Variants in SUPT3H observed in about 807,000 individuals in gnomAD.
The protein encoded by SUPT3H is transcription initiation protein SPT3 homolog.
In SUPT3H, 44 loss-of-function variants were observed where a neutral mutation model predicts 44.3. The observed-to-expected ratio is 0.99, with a 90% CI of 0.78 to 1.28. The LOEUF is 1.28. Among genes scored for constraint, SUPT3H ranks in the 50% most tolerant of loss-of-function variants. The pLI is 0.00. For synonymous variants in SUPT3H, 124 were observed against 125.6 expected (o/e 0.99, Z 0.09); for missense variants, 380 against 387.1 (o/e 0.98, Z 0.15).
chr6:45,053,740 C>CAAAAAAAAAAAAAAAA (rs57736879), intron 3 of SUPT3H, among the ~76,000 whole-genome samples: 2 of 59,442 alleles, frequency 3.4e-5, no homozygotes, highest in Non-Finnish European at 3.1e-5. Flanking sequence ...ACTAAAAATA[C>CAAAAAAAAAAAAAAAA]AAAAAAAAAA....
intron 10 of SUPT3H, among the ~76,000 whole-genome samples, chr6:44,880,184 A>G (rs1037591482): frequency 6.6e-6 from 1 of 152,104 alleles, no homozygotes; most frequent in Non-Finnish European, 1.5e-5. Context: ...CCCTGAAAAA[A>G]GGTTAGAGGA....
intron 10 of SUPT3H, among the ~76,000 whole-genome samples, chr6:44,836,552 T>A (rs1769942379): frequency 1.3e-5 from 2 of 152,200 alleles, no homozygotes; most frequent in South Asian, 4.1e-4. Flanking sequence ...TCCCTAACTC[T>A]ATGCCAGTCT....
intron 10 of SUPT3H, among the ~76,000 whole-genome samples, chr6:44,886,344 A>C (rs1016157959): frequency 6.6e-6 from 1 of 152,158 alleles, no homozygotes; most frequent in Non-Finnish European, 1.5e-5. Flanking sequence ...AATGAAGGAA[A>C]AAATGTTAAG....
intron 2 of SUPT3H, among the ~76,000 whole-genome samples, chr6:45,236,475 C>T (rs1006942862): frequency 6.6e-6 from 1 of 151,994 alleles, no homozygotes; most frequent in African/African-American, 2.4e-5. Flanking sequence ...AGTAACAGAG[C>T]AGGTTTGTTT....
chr6:45,147,430 T>G (rs1402954526), intron 2 of SUPT3H, among the ~76,000 whole-genome samples: 1 of 152,110 alleles, frequency 6.6e-6, no homozygotes, highest in Non-Finnish European at 1.5e-5. Flanking sequence ...GGACAACTAG[T>G]ATATGCTAGA....
intron 1 of SUPT3H, among the ~76,000 whole-genome samples, chr6:45,371,175 C>T (rs1796001918): frequency 6.6e-6 from 1 of 152,094 alleles, no homozygotes; most frequent in African/African-American, 2.4e-5. Context: ...TAAGCAGCTC[C>T]CTTAAAAATC....
chr6:44,878,393 C>A (rs1484630477), intron 10 of SUPT3H, among the ~76,000 whole-genome samples: 1 of 151,932 alleles, frequency 6.6e-6, no homozygotes, highest in Non-Finnish European at 1.5e-5. Flanking sequence ...TTCTAATCTC[C>A]TATCATAAAT....
At chr6:45,242,034 A>C (rs1770441910) in intron 2 of SUPT3H, among the ~76,000 whole-genome samples, 1 of 152,206 alleles carries the variant, frequency 6.6e-6, no homozygotes, top group Non-Finnish European at 1.5e-5. Context: ...TATTCTAAAT[A>C]ACATTCCAGA....
intron 2 of SUPT3H, among the ~76,000 whole-genome samples, chr6:45,313,624 G>T (rs561216903): frequency 1.9e-4 from 28 of 146,682 alleles, no homozygotes; most frequent in South Asian, 1.7e-3. Flanking sequence ...CCAATAACAA[G>T]CAGCGAGATT....
At chr6:45,220,986 A>G (rs1017581166) in intron 2 of SUPT3H, among the ~76,000 whole-genome samples, 5 of 152,262 alleles carry the variant, frequency 3.3e-5, no homozygotes, top group South Asian at 2.1e-4. Context: ...ATGTCCATCA[A>G]TGATAGACTG....
At chr6:44,855,588 G>T (rs1429309519) in intron 10 of SUPT3H, among the ~76,000 whole-genome samples, 1 of 152,028 alleles carries the variant, frequency 6.6e-6, no homozygotes, top group African/African-American at 2.4e-5. Context: ...AGGGAATCAA[G>T]AATTAATATA....
chr6:45,297,662 T>TAC (rs1781506641), intron 2 of SUPT3H, among the ~76,000 whole-genome samples: 1 of 152,086 alleles, frequency 6.6e-6, no homozygotes, highest in African/African-American at 2.4e-5. Context: ...ATTAACAAAC[T>TAC]ACACACACAC....
At chr6:44,884,943 A>T (rs1196730421) in intron 10 of SUPT3H, among the ~76,000 whole-genome samples, 1 of 152,096 alleles carries the variant, frequency 6.6e-6, no homozygotes, top group Non-Finnish European at 1.5e-5. Flanking sequence ...GGCTTAAAAA[A>T]CGGCGCACCA....
intron 1 of SUPT3H, among the ~76,000 whole-genome samples, chr6:45,372,557 TA>T (rs2150315122): frequency 6.6e-6 from 1 of 152,370 alleles, no homozygotes; most frequent in African/African-American, 2.4e-5. Flanking sequence ...ATTTGTATGT[TA>T]TTTTAGTTTA....
At chr6:44,928,882 C>CAAAATAAATAAAAAAAAAAAA (rs1491206167) in intron 10 of SUPT3H, among the ~76,000 whole-genome samples, 1 of 20,646 alleles carries the variant, frequency 4.8e-5, no homozygotes, top group African/African-American at 3.1e-4. Context: ...GACTCCGTCT[C>CAAAATAAATAAAAAAAAAAAA]AAAAAAAAAA....
At chr6:44,980,322 T>C (rs1582878575) in intron 6 of SUPT3H, among the ~76,000 whole-genome samples, 2 of 152,066 alleles carry the variant, frequency 1.3e-5, no homozygotes, top group East Asian at 1.9e-4. Context: ...TGAAAATTTA[T>C]GTGAAACAAC....
At chr6:45,286,532 C>T (rs941308303) in intron 2 of SUPT3H, among the ~76,000 whole-genome samples, 5 of 152,104 alleles carry the variant, frequency 3.3e-5, no homozygotes, top group East Asian at 1.9e-4. Context: ...CAAATCAAAA[C>T]GACAATGAGA....
chr6:44,877,354 A>C (rs1371138675), intron 10 of SUPT3H, among the ~76,000 whole-genome samples: 1 of 151,826 alleles, frequency 6.6e-6, no homozygotes. Context: ...CTGTAGTCCT[A>C]GCTACTTTGG....
intron 2 of SUPT3H, among the ~76,000 whole-genome samples, chr6:45,203,638 C>T (rs553979436): frequency 2.0e-5 from 3 of 152,238 alleles, no homozygotes; most frequent in African/African-American, 7.2e-5. Context: ...AAATAATGTC[C>T]GGAATCTTTA....
Sources: allele counts gnomAD v4.1 joint callset (sites outside exome capture counted in the v4.1 genomes callset), GRCh38; gene constraint gnomAD v4.1.1; transcripts MANE v1.5; gene names NCBI Gene and HGNC (gene_info 2026-07-23, HGNC 2026-07-21).